The following NDST4 variants were observed in gnomAD, a reference collection of about 807,000 sequenced individuals.
NDST4 encodes the protein N-deacetylase and N-sulfotransferase 4, also known as N-heparan sulfate sulfotransferase 4.
NDST4 carries 63 observed loss-of-function variants against 100.8 expected under a neutral mutation model. That is an observed-to-expected ratio of 0.62 (90% CI 0.51 to 0.77). The LOEUF (loss-of-function observed/expected upper bound fraction) is 0.77, where lower values mean the gene tolerates loss of function less well. Ranked by LOEUF, NDST4 falls within the 30% of genes least tolerant of loss-of-function variation. The pLI is 0.00. For missense variants in NDST4, 943 were observed against 1,018.4 expected, an observed-to-expected ratio of 0.93 and a Z score of 1.01; for synonymous variants, 377 against 361.8, an observed-to-expected ratio of 1.04 and a Z score of -0.48.
chr4:115,027,726 T>C (rs895883196), intron 2 of NDST4, among the ~76,000 whole-genome samples: 4 of 152,064 alleles, frequency 2.6e-5, no homozygotes, highest in Admixed American at 2.6e-4. Context: ...TAAAACACCA[T>C]TTTGAGCATT....
intron 1 of NDST4, among the ~76,000 whole-genome samples, chr4:115,109,732 T>C (rs908631702): frequency 2.6e-5 from 4 of 151,966 alleles, no homozygotes; most frequent in African/African-American, 9.7e-5. Context: ...ATTATCTCTT[T>C]TAAAAGATAT....
chr4:114,936,812 A>G (rs1185281322), intron 5 of NDST4, among the ~76,000 whole-genome samples: 1 of 152,220 alleles, frequency 6.6e-6, no homozygotes, highest in African/African-American at 2.4e-5. Context: ...AAAAAGAGAG[A>G]GCAGTATTCT....
intron 4 of NDST4, among the ~76,000 whole-genome samples, chr4:114,941,533 C>T (rs1311866807): frequency 6.6e-6 from 1 of 151,998 alleles, no homozygotes; most frequent in Non-Finnish European, 1.5e-5. Context: ...TTTAGGAGTA[C>T]TCAAGACCAA....
chr4:115,087,488 T>C (rs1279241559), intron 1 of NDST4, among the ~76,000 whole-genome samples: 1 of 151,894 alleles, frequency 6.6e-6, no homozygotes, highest in Non-Finnish European at 1.5e-5. Context: ...TTTCCCCTTC[T>C]TCTCTAGAAT....
intron 4 of NDST4, among the ~76,000 whole-genome samples, chr4:114,965,104 G>C (rs549400425): frequency 1.3e-4 from 19 of 151,918 alleles, no homozygotes; most frequent in Admixed American, 3.3e-4. Flanking sequence ...TCACAATTTT[G>C]TTTTAGTGTA....
intron 9 of NDST4, among the ~76,000 whole-genome samples, chr4:114,847,112 C>T (rs1455127648): frequency 7.6e-6 from 1 of 131,444 alleles, no homozygotes; most frequent in Non-Finnish European, 1.5e-5. Flanking sequence ...CGCGGTGGCT[C>T]ACGCCTGTAA....
At chr4:115,056,358 A>G (rs1042932395) in intron 2 of NDST4, among the ~76,000 whole-genome samples, 1 of 152,122 alleles carries the variant, frequency 6.6e-6, no homozygotes, top group African/African-American at 2.4e-5. Flanking sequence ...CATTTATAGT[A>G]TTAGCTTATA....
At chr4:114,905,056 A>G (rs946560064) in intron 6 of NDST4, among the ~76,000 whole-genome samples, 11 of 152,082 alleles carry the variant, frequency 7.2e-5, no homozygotes, top group Non-Finnish European at 1.5e-4. Flanking sequence ...CAAACAAAAG[A>G]CAGCCTGTAA....
intron 2 of NDST4, among the ~76,000 whole-genome samples, chr4:115,035,625 T>C (rs1578472471): frequency 1.3e-5 from 2 of 152,098 alleles, no homozygotes; most frequent in East Asian, 3.9e-4. Flanking sequence ...ATTTAAAACA[T>C]AGCGACATGT....
intron 2 of NDST4, among the ~76,000 whole-genome samples, chr4:115,024,725 A>G (rs1578464040): frequency 6.6e-6 from 1 of 152,094 alleles, no homozygotes; most frequent in Non-Finnish European, 1.5e-5. Flanking sequence ...TTGGAATAGA[A>G]TGAATGTAAT....
chr4:115,092,567 A>G (rs1056543849), intron 1 of NDST4, among the ~76,000 whole-genome samples: 1 of 152,210 alleles, frequency 6.6e-6, no homozygotes, highest in Non-Finnish European at 1.5e-5. Flanking sequence ...AATAAGAACA[A>G]TAGTATAAAA....
intron 4 of NDST4, among the ~76,000 whole-genome samples, chr4:114,966,776 C>T (rs374323040): frequency 1.3e-5 from 2 of 152,014 alleles, no homozygotes; most frequent in African/African-American, 4.8e-5. Context: ...ATTTGTGGAC[C>T]GATGTAATCC....
chr4:114,967,754 TA>T (rs1230392146), intron 4 of NDST4, among the ~76,000 whole-genome samples: 1 of 152,186 alleles, frequency 6.6e-6, no homozygotes, highest in East Asian at 1.9e-4. Flanking sequence ...AAAAGTTAAG[TA>T]AAAAATGACC....
rs70964340 is a variant in NDST4 at position 115,071,276 on chromosome 4, TCACACACACACA to T, written c.978+4771_978+4782del. On this transcript the variant is annotated intron_variant, in intron 2 of 13. Coordinates refer to ENST00000264363, the MANE Select transcript of NDST4 (RefSeq NM_022569.3). ...ATTTGGTTCAAATGAAAGTATGCCT[TCACACACACACA>T]CACACACACACACACACACACACAC... Among the ~76,000 whole-genome samples, 786 of 138,272 alleles carry T rather than the reference TCACACACACACA, an allele frequency of 5.7e-3. 4 individuals are homozygous for T. The highest frequency in any genetic ancestry group is 6.1e-3 in the South Asian group (24 of 3,960). The allele number at this position is 138,272 out of a possible 152,430, so 90.7% of individuals were successfully genotyped here. A position where few individuals can be genotyped will look rare whatever the true frequency, so the allele number is the denominator to read the frequency against.
Position 115,108,528 on chromosome 4 carries a change from G to T in NDST4, c.-247+4916C>A, listed in dbSNP as rs1361764125. ...CTACTAGATATAAAAATGATTTAGA[G>T]GATTTAAAATTTCTAAGGAAAAATT... On this transcript the variant is annotated intron_variant, in intron 1 of 13. Coordinates refer to ENST00000264363, the MANE Select transcript of NDST4 (RefSeq NM_022569.3). 2.0e-5 allele frequency among the ~76,000 whole-genome samples: 3 copies of T among 151,618 alleles called. No individual in the cohort carries two copies. In the South Asian group the frequency reaches 6.3e-4, roughly 32 times the overall value.
At chr4:114,926,956 T>C (rs1725398397) in intron 6 of NDST4, among the ~76,000 whole-genome samples, 1 of 152,026 alleles carries the variant, frequency 6.6e-6, no homozygotes, top group Non-Finnish European at 1.5e-5. Flanking sequence ...CTTACATACA[T>C]ATGAATTCAG....
At chr4:115,103,514 G>T (rs1372418640) in intron 1 of NDST4, among the ~76,000 whole-genome samples, 1 of 151,930 alleles carries the variant, frequency 6.6e-6, no homozygotes. Context: ...ATTTTCTTTT[G>T]ATTATTTTCT....
At position 114,832,489 on chromosome 4, in the gene NDST4, A is replaced by G. The variant is rs116770895; in HGVS notation, c.2396+1117T>C. On this transcript the variant is annotated intron_variant, in intron 12 of 13. Coordinates refer to ENST00000264363, the MANE Select transcript of NDST4 (RefSeq NM_022569.3). ...TAAAGTACAATCCCTTTTAAGGTATATTTTGGCTACTTGTTTTTGTTTGTT... is the reference window on the plus strand; with the variant it reads ...TAAAGTACAATCCCTTTTAAGGTATGTTTTGGCTACTTGTTTTTGTTTGTT... Among the ~76,000 whole-genome samples the G allele has an allele frequency of 2.0e-5, 3 of 152,244 alleles. No individual in the cohort carries two copies. In the East Asian group the frequency reaches 5.8e-4, roughly 29 times the overall value.
intron 2 of NDST4, among the ~76,000 whole-genome samples, chr4:115,062,800 A>G (rs1284859139): frequency 1.3e-5 from 2 of 151,960 alleles, no homozygotes; most frequent in Admixed American, 1.3e-4. Context: ...CATTGGAGAT[A>G]GTAAGTACTA....
Sources: allele counts gnomAD v4.1 joint callset (sites outside exome capture counted in the v4.1 genomes callset), GRCh38; gene constraint gnomAD v4.1.1; transcripts MANE v1.5; gene names NCBI Gene and HGNC (gene_info 2026-07-23, HGNC 2026-07-21).